THAP12: variants seen among roughly 807,000 people sequenced by gnomAD.
THAP12 encodes the protein 52 kDa repressor of the inhibitor of the protein kinase.
A neutral mutation model predicts 63.0 loss-of-function variants in THAP12; 20 were observed. That is an observed-to-expected ratio of 0.32 (90% CI 0.22 to 0.46). THAP12 has a LOEUF of 0.46. Among genes scored for constraint, THAP12 ranks in the 20% least tolerant of loss-of-function variants. The pLI is 1.00. For synonymous variants in THAP12, 264 were observed against 328.4 expected (o/e 0.80, Z 2.12); for missense variants, 568 against 908.2 (o/e 0.63, Z 4.81).
chr11:76,362,645 C>T (rs766403146), intron 2 of THAP12, among the ~76,000 whole-genome samples: 12 of 152,220 alleles, frequency 7.9e-5, no homozygotes, highest in Non-Finnish European at 1.5e-4. Flanking sequence ...TCTTTCACAC[C>T]GAGCAAATGT....
rs200444727 is a variant in THAP12 at position 76,370,365 on chromosome 11, T to G, written c.90-4393A>C. On this transcript the variant is annotated intron_variant, in intron 1 of 4. Transcript: ENST00000260045. ...TGTGATCTTCTGTGCATATGTTTTT[T>G]GGGGTTTTTTTTTGAGAGAGAGGAT... Among the ~76,000 whole-genome samples, 9 of 151,816 alleles carry G rather than the reference T, an allele frequency of 5.9e-5. No individual in the cohort carries two copies. The South Asian group carries it at 6.3e-4, about 11-fold the overall frequency.
Position 76,355,599 on chromosome 11 carries a change from C to A in THAP12, c.355+19G>T. 2 of 1,590,688 alleles carry A rather than the reference C, an allele frequency of 1.3e-6. No homozygotes were observed. The highest frequency in any genetic ancestry group is 2.3e-5 in the South Asian group (2 of 86,058). ...TTTAAAAGGCATTCAGAAGTTGAGT[C>A]ATTAACACTATCACTTACTTTTTTT... is the stretch of plus-strand genomic sequence containing the variant. On this transcript the variant is annotated intron_variant, in intron 4 of 4. Transcript: ENST00000260045.
intron 1 of THAP12, among the ~76,000 whole-genome samples, chr11:76,368,256 TAAGAATA>T (rs1946646197): frequency 6.6e-6 from 1 of 152,224 alleles, no homozygotes; most frequent in Admixed American, 6.5e-5. Context: ...ATGAACTACT[TAAGAATA>T]AATCTAGTGA....
chr11:76,362,378 A>G (rs1946603536), intron 2 of THAP12, among the ~76,000 whole-genome samples: 1 of 152,266 alleles, frequency 6.6e-6, no homozygotes. Flanking sequence ...ATGTATCTAA[A>G]TGGAACACAC....
At chr11:76,362,219 T>C (rs1946602265) in intron 2 of THAP12, among the ~76,000 whole-genome samples, 1 of 152,218 alleles carries the variant, frequency 6.6e-6, no homozygotes, top group Non-Finnish European at 1.5e-5. Flanking sequence ...ATGATAAAGA[T>C]AAGACATACT....
At chr11:76,363,279 G>A (rs1946609882) in intron 2 of THAP12, among the ~76,000 whole-genome samples, 1 of 152,124 alleles carries the variant, frequency 6.6e-6, no homozygotes, top group Non-Finnish European at 1.5e-5. Context: ...TAAGGTTTGA[G>A]CATAAAAGAA....
intron 3 of THAP12, chr11:76,357,863 T>A (rs1342134252): frequency 6.6e-6 from 1 of 152,162 alleles, no homozygotes; most frequent in Non-Finnish European, 1.5e-5. Flanking sequence ...AGAGAGACTT[T>A]TATAGCTTTG....
In THAP12 at chr11:76,350,321, T is replaced by C. The variant is rs1395231278; in HGVS notation, c.*543A>G. On this transcript the variant is annotated 3_prime_UTR_variant, in exon 5 of 5. Coordinates refer to ENST00000260045, the MANE Select transcript of THAP12 (RefSeq NM_004705.4). ...AGGCTTTTCCATTCAAACTTTGTCA[T>C]TTGTTTCTTTAAGTTCAAGAAAGAC... 3.9e-5 allele frequency: 6 copies of C among 152,378 alleles called. No individual in the cohort carries two copies. The highest frequency in any genetic ancestry group is 1.2e-4 in the African/African-American group (5 of 41,458). 9.4% of individuals were successfully genotyped at this position (152,378 alleles called of 1,614,324 possible). A position where few individuals can be genotyped will look rare whatever the true frequency, so the allele number is the denominator to read the frequency against.
chr11:76,366,273 T>C (rs1043385593), intron 1 of THAP12, among the ~76,000 whole-genome samples: 16 of 152,230 alleles, frequency 1.1e-4, no homozygotes, highest in Middle Eastern at 6.8e-3. Flanking sequence ...CAGAGAAGAT[T>C]CAACCATCAG....
rs370155121 is a variant in THAP12 at position 76,351,373 on chromosome 11, T to A, written c.1777A>T (p.Ile593Leu). The A allele has an allele frequency of 6.2e-7, 1 of 1,601,272 alleles. No homozygotes were observed. The highest frequency in any genetic ancestry group is 2.2e-5 in the East Asian group (1 of 44,620). Residue 593 changes from isoleucine to leucine, a missense_variant, in exon 5 of 5, where the codon ATA becomes TTA. Ile to Leu is a conservative substitution (Grantham distance 5). Coordinates refer to ENST00000260045, the MANE Select transcript of THAP12 (RefSeq NM_004705.4). ...VEHIIQELKD[I>L]FSEQHLKALK... ...GCTTTGAGGTGCTGTTCTGAGAATA[T>A]ATCTTTAAGTTCCTGAATAATGTGC...
At position 76,352,181 on chromosome 11, in the gene THAP12, C is replaced by T; in HGVS notation, c.969G>A (p.Glu323=). 1 of 1,609,604 alleles carries T rather than the reference C, an allele frequency of 6.2e-7. No homozygotes were observed. The highest frequency in any genetic ancestry group is 8.5e-7 in the Non-Finnish European group (1 of 1,178,766). The change falls in exon 5 of 5, where the codon GAG becomes GAA. Residue 323 remains glutamate, a synonymous_variant. Coordinates refer to ENST00000260045, the MANE Select transcript of THAP12 (RefSeq NM_004705.4). ...CAATGTAAGCCTGGCCACGACAATA[C>T]TCCATATTTAATCCCCACTTCTCAG... ...MITEKWGLNM[E]YCRGQAYIVS...
chr11:76,364,937 A>G (rs2134507648), intron 2 of THAP12, among the ~76,000 whole-genome samples: 1 of 152,354 alleles, frequency 6.6e-6, no homozygotes, highest in Middle Eastern at 3.4e-3. Flanking sequence ...AAATAAACAT[A>G]TACTTTTATA....
chr11:76,375,622 T>C (rs910399742), intron 1 of THAP12, among the ~76,000 whole-genome samples: 14 of 152,172 alleles, frequency 9.2e-5, no homozygotes, highest in Admixed American at 7.9e-4. Flanking sequence ...CTGGGAAATG[T>C]ACTGTTTTAA....
At chr11:76,371,755 C>G (rs1353111771) in intron 1 of THAP12, among the ~76,000 whole-genome samples, 1 of 151,894 alleles carries the variant, frequency 6.6e-6, no homozygotes, top group Non-Finnish European at 1.5e-5. Context: ...CGACCCTATC[C>G]TGCCAAATCC....
At chr11:76,361,418 C>T (rs1216824704) in intron 2 of THAP12, 1 of 177,472 alleles carries the variant, frequency 5.6e-6, no homozygotes, top group East Asian at 1.6e-4. Context: ...AAATAATCTG[C>T]ACTCTTGTAT....
chr11:76,373,177 C>G (rs1946685989), intron 1 of THAP12, among the ~76,000 whole-genome samples: 1 of 151,556 alleles, frequency 6.6e-6, no homozygotes, highest in South Asian at 2.1e-4. Context: ...GAAACCCTGT[C>G]TCTACAAAAA....
chr11:76,367,411 T>C (rs1946639289), intron 1 of THAP12, among the ~76,000 whole-genome samples: 1 of 150,884 alleles, frequency 6.6e-6, no homozygotes, highest in Non-Finnish European at 1.5e-5. Flanking sequence ...AGTTCTGCCG[T>C]GGATAAACAG....
chr11:76,357,312 C>G (rs1946568072), intron 3 of THAP12: 1 of 152,038 alleles, frequency 6.6e-6, no homozygotes, highest in Non-Finnish European at 1.5e-5. Context: ...AAGAAGAAAG[C>G]TGATATGGAG....
chr11:76,378,379 T>A lies in THAP12; in HGVS notation c.89+2369A>T, dbSNP rs894252385. ...GGCAGAGGTTGCAGTGAGCTGAGAC[T>A]GTGCCACTGCACTGCAGCCTGGGCA... On this transcript the variant is annotated intron_variant, in intron 1 of 4. Coordinates refer to ENST00000260045, the MANE Select transcript of THAP12 (RefSeq NM_004705.4). 3.3e-5 allele frequency among the ~76,000 whole-genome samples: 5 copies of A among 152,152 alleles called. No individual in the cohort carries two copies. The East Asian group carries it at 9.6e-4, about 29-fold the overall frequency.
Sources: gnomAD v4.1 joint callset for allele counts (sites outside exome capture counted in the v4.1 genomes callset) on GRCh38, gnomAD v4.1.1 for gene constraint, MANE v1.5 for transcripts, NCBI Gene and HGNC (gene_info 2026-07-23, HGNC 2026-07-21) for gene names.